ADAMTS18: variants seen among roughly 807,000 people sequenced by gnomAD.
ADAMTS18 encodes ADAM metallopeptidase with thrombospondin type 1 motif 18.
ADAMTS18 carries 157 observed loss-of-function variants against 165.9 expected under a neutral mutation model. That is an observed-to-expected ratio of 0.95 (90% CI 0.83 to 1.08). ADAMTS18 has a LOEUF of 1.08. Ranked by LOEUF, ADAMTS18 falls within the 50% of genes least tolerant of loss-of-function variation. The pLI, the probability that ADAMTS18 is intolerant of heterozygous loss-of-function variation, is 0.00. For synonymous variants in ADAMTS18, 782 were observed against 578.2 expected (o/e 1.35, Z -5.06); for missense variants, 2,040 against 1,534.0 (o/e 1.33, Z -5.51).
chr16:77,319,049 A>G (rs1277892853), intron 16 of ADAMTS18, among the ~76,000 whole-genome samples: 3 of 152,136 alleles, frequency 2.0e-5, no homozygotes, highest in South Asian at 4.1e-4. Flanking sequence ...TCTTTTAATT[A>G]TCATTTTTTT....
intron 22 of ADAMTS18, among the ~76,000 whole-genome samples, chr16:77,288,276 T>A (rs1323946866): frequency 6.6e-6 from 1 of 152,110 alleles, no homozygotes; most frequent in South Asian, 2.1e-4. Context: ...TCTTTGGTAA[T>A]TAAGGGTGGA....
At chr16:77,288,677 G>T (rs2055303005) in intron 22 of ADAMTS18, among the ~76,000 whole-genome samples, 1 of 152,032 alleles carries the variant, frequency 6.6e-6, no homozygotes, top group African/African-American at 2.4e-5. Context: ...TTTATATATG[G>T]ATTATAGTTG....
chr16:77,289,438 CAG>C (rs1219622285), intron 21 of ADAMTS18, 27 bp from the exon 22 acceptor site: 2 of 1,612,908 alleles, frequency 1.2e-6, no homozygotes, highest in Non-Finnish European at 1.7e-6. Flanking sequence ...AGGAAGGAGT[CAG>C]AAACACTCTA....
At chr16:77,325,675 G>A (rs1016047691) in intron 13 of ADAMTS18, among the ~76,000 whole-genome samples, 191 bp downstream of exon 13, 10 of 144,904 alleles carry the variant, frequency 6.9e-5, no homozygotes, top group Admixed American at 6.8e-5. Context: ...TATCTTATAG[G>A]GGGAAAAAAA....
intron 3 of ADAMTS18, among the ~76,000 whole-genome samples, chr16:77,427,423 C>T (rs1420436103): frequency 6.6e-6 from 1 of 152,186 alleles, no homozygotes; most frequent in Non-Finnish European, 1.5e-5. Context: ...CCACCAATGT[C>T]ATGGCTTGCT....
At position 77,353,747 on chromosome 16, in the gene ADAMTS18, G is replaced by A; in HGVS notation, c.1600C>T (p.Leu534Phe). ...QFGAKAKLCS[L>F]GFVKDICKSL... The stretch of plus-strand genomic sequence containing the variant: ...AGCAAACATACCTTCACAAAACCAA[G>A]GCTGCATAACTTGGCTTTTGCTCCA... Residue 534 changes from leucine to phenylalanine, a missense_variant, in exon 10 of 23, where the codon CTT (leucine) becomes TTT (phenylalanine). By Grantham distance (22) the Leu-to-Phe change is conservative. Transcript: ENST00000282849. The A allele has an allele frequency of 1.2e-6, 2 of 1,614,128 alleles. No homozygotes were observed. The highest frequency in any genetic ancestry group is 8.5e-7 in the Non-Finnish European group (1 of 1,180,022).
intron 3 of ADAMTS18, among the ~76,000 whole-genome samples, chr16:77,409,487 A>G (rs953055044): frequency 6.6e-6 from 1 of 152,218 alleles, no homozygotes; most frequent in Non-Finnish European, 1.5e-5. Flanking sequence ...ATGACAGGAT[A>G]AATAGTATCA....
chr16:77,353,625 C>A, intron 10 of ADAMTS18, 108 bp downstream of exon 10: 1 of 1,482,352 alleles, frequency 6.7e-7, no homozygotes. Flanking sequence ...GTAGAGATAA[C>A]CCAGAACCTA....
chr16:77,411,089 A>T (rs1196024615), intron 3 of ADAMTS18, among the ~76,000 whole-genome samples: 4 of 152,216 alleles, frequency 2.6e-5, no homozygotes, highest in Non-Finnish European at 5.9e-5. Flanking sequence ...TGAGTGGAAC[A>T]GAGTAGTATG....
intron 10 of ADAMTS18, among the ~76,000 whole-genome samples, chr16:77,347,363 A>G (rs2056492755): frequency 6.6e-6 from 1 of 152,168 alleles, no homozygotes; most frequent in African/African-American, 2.4e-5. Flanking sequence ...TTAACTTTCT[A>G]CATTGAAACA....
At chr16:77,383,340 C>A (rs552175016) in intron 3 of ADAMTS18, among the ~76,000 whole-genome samples, 1 of 152,220 alleles carries the variant, frequency 6.6e-6, no homozygotes, top group Non-Finnish European at 1.5e-5. Context: ...AATCCAAATG[C>A]AGCATCTAGT....
intron 10 of ADAMTS18, among the ~76,000 whole-genome samples, chr16:77,344,745 A>C (rs1330793370): frequency 2.2e-5 from 1 of 44,776 alleles, no homozygotes; most frequent in Admixed American, 3.1e-4. Flanking sequence ...AAGCAAAACA[A>C]AAAAAAAAAC....
rs370963275 is a variant in ADAMTS18, at chr16:77,371,096, T to C, written c.496-3373A>G. On this transcript the variant is annotated intron_variant, in intron 3 of 22. Coordinates refer to ENST00000282849, the MANE Select transcript of ADAMTS18 (RefSeq NM_199355.4). ...CAGGTGTGGTGGTGCATGCCTGTGG[T>C]ACCAGCTTCTTGGAAGGGTGAGCTG... Among the ~76,000 whole-genome samples the C allele has an allele frequency of 7.2e-5, 11 of 152,166 alleles. No homozygotes were observed. The East Asian group carries it at 1.7e-3, about 24-fold the overall frequency.
At position 77,357,870 on chromosome 16, in the gene ADAMTS18, C is replaced by T. The variant is rs140185762; in HGVS notation, c.1322+1448G>A. Among the ~76,000 whole-genome samples the T allele has an allele frequency of 8.3e-4, 127 of 152,286 alleles. 1 individual carries two copies. The highest frequency in any genetic ancestry group is 2.6e-3 in the African/African-American group (109 of 41,558). On this transcript the variant is annotated intron_variant, in intron 8 of 22. Coordinates refer to ENST00000282849, the MANE Select transcript of ADAMTS18 (RefSeq NM_199355.4). ...GTCCTTCCCCCAACCTCTGACTTCT[C>T]TCCTGAATCCTACCTGAAGAATATG...
intron 16 of ADAMTS18, among the ~76,000 whole-genome samples, chr16:77,305,554 C>G (rs1034555997): frequency 3.9e-5 from 6 of 152,306 alleles, no homozygotes; most frequent in Non-Finnish European, 4.4e-5. Flanking sequence ...GTCCCATGCC[C>G]ATGAAGCTAG....
intron 18 of ADAMTS18, among the ~76,000 whole-genome samples, chr16:77,295,915 C>T (rs1051064305): frequency 6.6e-6 from 1 of 151,968 alleles, no homozygotes; most frequent in African/African-American, 2.4e-5. Context: ...TCGATCTCAG[C>T]TCACTGCAAC....
chr16:77,398,626 C>A (rs2057289159), intron 3 of ADAMTS18, among the ~76,000 whole-genome samples: 1 of 152,108 alleles, frequency 6.6e-6, no homozygotes, highest in South Asian at 2.1e-4. Flanking sequence ...TCAGGTAAGT[C>A]TTTGCTGTTG....
chr16:77,319,497 C>T (rs958593206), intron 16 of ADAMTS18, among the ~76,000 whole-genome samples: 3 of 152,144 alleles, frequency 2.0e-5, no homozygotes, highest in Non-Finnish European at 2.9e-5. Flanking sequence ...GGCTGGAGTG[C>T]AGTGGCACAT....
At chr16:77,420,657 ATGACAAAAGGAAAACCC>A (rs1450902802) in intron 3 of ADAMTS18, among the ~76,000 whole-genome samples, 2 of 152,234 alleles carry the variant, frequency 1.3e-5, no homozygotes, top group Non-Finnish European at 2.9e-5. Context: ...CTGGAAAACA[ATGACAAAAGGAAAACCC>A]TGTGACAAGA....
Sources: gnomAD v4.1 joint callset for allele counts (sites outside exome capture counted in the v4.1 genomes callset) on GRCh38, gnomAD v4.1.1 for gene constraint, MANE v1.5 for transcripts, NCBI Gene and HGNC (gene_info 2026-07-23, HGNC 2026-07-21) for gene names.